The following NAV3 variants were observed in gnomAD, a reference collection of about 807,000 sequenced individuals.
NAV3 encodes the protein neuron navigator 3, also known as pore membrane and/or filament interacting like protein 1.
In NAV3, 87 loss-of-function variants were observed where a neutral mutation model predicts 244.7. The ratio of observed to expected loss-of-function variants is 0.36; its 90% CI spans 0.30 to 0.42. The LOEUF (loss-of-function observed/expected upper bound fraction) is 0.42, where lower values mean the gene tolerates loss of function less well. Ranked by LOEUF, NAV3 falls within the 20% of genes least tolerant of loss-of-function variation. The pLI is 1.00. For synonymous variants in NAV3, 1,126 were observed against 1,042.2 expected, an observed-to-expected ratio of 1.08 and a Z score of -1.55; for missense variants, 2,663 against 2,893.3, an observed-to-expected ratio of 0.92 and a Z score of 1.83.
At chr12:77,963,642 A>G (rs2731422) in intron 3 of NAV3, among the ~76,000 whole-genome samples, 150,480 of 152,288 alleles carry the variant, frequency 0.99, 74,371 homozygotes, top group Middle Eastern at 1. Flanking sequence ...ACTGTATTCA[A>G]GTACTTATTC....
intron 2 of NAV3, among the ~76,000 whole-genome samples, chr12:77,710,508 G>GT (rs1876055851): frequency 6.6e-6 from 1 of 152,130 alleles, no homozygotes; most frequent in African/African-American, 2.4e-5. Context: ...TTTTATACCA[G>GT]TTTTTTAATT....
At chr12:77,874,728 C>A (rs1881593234) in intron 1 of NAV3, among the ~76,000 whole-genome samples, 1 of 151,982 alleles carries the variant, frequency 6.6e-6, no homozygotes, top group South Asian at 2.1e-4. Context: ...TTTTGTGGAC[C>A]AAATTTCACA....
rs953382239 is a variant in NAV3 at position 77,714,319 on chromosome 12, A to G, written c.72+142053A>G. ...ATCCTATACAAAAATTTACCCTACA[A>G]AATTCCTCAGTTCAGGCTATTTTTT... On this transcript the variant is annotated intron_variant, in intron 2 of 8. Coordinates refer to the NAV3 transcript ENST00000550042. Among the ~76,000 whole-genome samples, 18 of 152,124 alleles carry G rather than the reference A, an allele frequency of 1.2e-4. No individual in the cohort carries two copies. In the South Asian group the frequency reaches 2.5e-3, roughly 21 times the overall value.
At chr12:77,736,133 A>G (rs1877324661) in intron 2 of NAV3, among the ~76,000 whole-genome samples, 2 of 152,240 alleles carry the variant, frequency 1.3e-5, no homozygotes, top group South Asian at 4.1e-4. Context: ...AACATATTTT[A>G]GGCCATATGC....
chr12:78,135,992 G>C (rs998615663), intron 18 of NAV3, among the ~76,000 whole-genome samples: 7 of 151,976 alleles, frequency 4.6e-5, no homozygotes, highest in Non-Finnish European at 1.0e-4. Context: ...GTGTTAATTC[G>C]GTTAATACCA....
At chr12:77,986,058 G>C (rs1870450034) in intron 5 of NAV3, among the ~76,000 whole-genome samples, 1 of 152,048 alleles carries the variant, frequency 6.6e-6, no homozygotes, top group African/African-American at 2.4e-5. Context: ...AAAAAAACTA[G>C]ATGTTAAAAT....
At chr12:77,666,644 T>C (rs1191017957) in intron 2 of NAV3, among the ~76,000 whole-genome samples, 3 of 152,336 alleles carry the variant, frequency 2.0e-5, no homozygotes, top group African/African-American at 7.2e-5. Context: ...AATTAAATCC[T>C]CTTATTTAAA....
intron 2 of NAV3, among the ~76,000 whole-genome samples, chr12:77,754,813 T>G (rs902186264): frequency 6.6e-6 from 1 of 152,188 alleles, no homozygotes; most frequent in Non-Finnish European, 1.5e-5. Context: ...TGTTTTCCTC[T>G]GCCTTGGGAT....
Position 77,968,646 on chromosome 12 carries a change from C to G in NAV3, c.615C>G (p.His205Gln). The part of the protein sequence containing the change: ...SLVELQQRVT[H>Q]ASPPSEASQA... ...TGGAACTTCAGCAGCGAGTTACTCA[C>G]GCTTCCCCTCCATCGGAAGCCAGCC... is the stretch of plus-strand genomic sequence containing the variant. The change falls in exon 5 of 40, where the codon CAC becomes CAG. Residue 205 changes from histidine (H) to glutamine (Q), a missense_variant. By Grantham distance (24) the His-to-Gln change is conservative. This residue lies in a region of NAV3 where 1,521 missense variants were observed against 1,497.0 expected (regional missense o/e 1.02). Coordinates refer to ENST00000397909, the MANE Select transcript of NAV3 (RefSeq NM_001024383.2). 6.2e-7 allele frequency: 1 copy of G among 1,614,106 alleles called. No individual in the cohort carries two copies. Among genetic ancestry groups the G allele is most frequent in the South Asian group, 1.1e-5 (1 of 91,086 alleles).
At chr12:77,977,712 G>GCACGCACACA (rs1555248349) in intron 5 of NAV3, among the ~76,000 whole-genome samples, 1 of 143,000 alleles carries the variant, frequency 7.0e-6, no homozygotes, top group Non-Finnish European at 1.6e-5. Context: ...ACACACACGC[G>GCACGCACACA]CACACACACA....
intron 1 of NAV3, among the ~76,000 whole-genome samples, chr12:77,876,115 T>G (rs1228847942): frequency 2.0e-5 from 3 of 152,116 alleles, no homozygotes; most frequent in African/African-American, 7.2e-5. Context: ...AGCCATGATT[T>G]TATGTATTAC....
Position 78,190,305 on chromosome 12 carries a change from A to C in NAV3, c.6291+86A>C, listed in dbSNP as rs988788193. On this transcript the variant is annotated intron_variant, in intron 34 of 39. Transcript: ENST00000397909. The stretch of plus-strand genomic sequence containing the variant: ...AATTATAAGATTTTGTGAGACTTCC[A>C]TGTTGTACATGGAAAAGAATATCCA... 156 of 1,053,640 alleles carry C rather than the reference A, an allele frequency of 1.5e-4. 2 individuals carry two copies. The Admixed American group carries it at 1.9e-3, about 13-fold the overall frequency. 65.3% of individuals were successfully genotyped at this position (1,053,640 alleles called of 1,614,324 possible).
intron 1 of NAV3, among the ~76,000 whole-genome samples, chr12:77,912,948 C>T (rs1886760142): frequency 6.6e-6 from 1 of 151,996 alleles, no homozygotes. Context: ...GTAATATGTA[C>T]ATTTAAGTGT....
chr12:77,580,157 A>T (rs1869285149), intron 2 of NAV3, among the ~76,000 whole-genome samples: 1 of 151,628 alleles, frequency 6.6e-6, no homozygotes, highest in African/African-American at 2.4e-5. Context: ...AAATGATTTA[A>T]GCACTTTTAA....
intron 18 of NAV3, among the ~76,000 whole-genome samples, chr12:78,135,471 G>A (rs988126198): frequency 2.0e-5 from 3 of 152,158 alleles, no homozygotes; most frequent in African/African-American, 7.2e-5. Flanking sequence ...AATTGTAGAA[G>A]TACACTTCAC....
chr12:78,199,417 A>G lies in NAV3; in HGVS notation c.6601A>G (p.Ile2201Val), dbSNP rs767052926. 1.2e-6 allele frequency: 2 copies of G among 1,611,676 alleles called. No individual in the cohort carries two copies. The highest frequency in any genetic ancestry group is 2.2e-5 in the South Asian group (2 of 90,836). Residue 2201 changes from isoleucine (I) to valine (V), a missense_variant, in exon 37 of 40, where the codon ATT becomes GTT. This residue lies in a region of NAV3 where 543 missense variants were observed against 672.4 expected (regional missense o/e 0.81). Coordinates refer to ENST00000397909, the MANE Select transcript of NAV3 (RefSeq NM_001024383.2). ...YLRRKLIEIE[I>V]ERNIRNNDLV... ...TCGAAGAAAACTCATAGAGATAGAA[A>G]TTGAAAGGAACATTCGCAATAATGA...
At chr12:78,037,578 G>A (rs1880128041) in intron 9 of NAV3, among the ~76,000 whole-genome samples, 1 of 151,768 alleles carries the variant, frequency 6.6e-6, no homozygotes, top group Non-Finnish European at 1.5e-5. Context: ...TGAGCTATGA[G>A]CACCACTGGT....
intron 2 of NAV3, among the ~76,000 whole-genome samples, chr12:77,589,146 A>G (rs1869783213): frequency 6.6e-6 from 1 of 152,168 alleles, no homozygotes; most frequent in Admixed American, 6.5e-5. Flanking sequence ...TTTCTCCCGT[A>G]GGAAGACCTT....
chr12:77,895,019 A>G (rs957375157), intron 1 of NAV3, among the ~76,000 whole-genome samples: 3 of 152,180 alleles, frequency 2.0e-5, no homozygotes, highest in African/African-American at 7.2e-5. Context: ...CCCCATCTGC[A>G]GAGGAGTAAC....
Sources: allele counts gnomAD v4.1 joint callset (sites outside exome capture counted in the v4.1 genomes callset), GRCh38; gene constraint gnomAD v4.1.1; regional missense constraint gnomAD v4.1.1; transcripts MANE v1.5; gene names NCBI Gene and HGNC (gene_info 2026-07-23, HGNC 2026-07-21).